The following ZFP69 variants were observed in gnomAD, a reference collection of about 807,000 sequenced individuals.
ZFP69 encodes the protein ZFP69 zinc finger protein, also known as zinc finger protein 69 homolog.
In ZFP69, 35 loss-of-function variants were observed where a neutral mutation model predicts 48.9. The observed-to-expected ratio is 0.72, with a 90% confidence interval of 0.55 to 0.95. The LOEUF (loss-of-function observed/expected upper bound fraction) is 0.95, where lower values mean the gene tolerates loss of function less well. Among genes scored for constraint, ZFP69 ranks in the 40% least tolerant of loss-of-function variants. The pLI is 0.00. For synonymous variants in ZFP69, 193 were observed against 216.8 expected (o/e 0.89, Z 0.96); for missense variants, 557 against 638.4 (o/e 0.87, Z 1.37).
At chr1:40,494,256 A>ATTTTTTTTTTT (rs11286167) in intron 5 of ZFP69, among the ~76,000 whole-genome samples, 4 of 52,032 alleles carry the variant, frequency 7.7e-5, no homozygotes, top group Admixed American at 2.9e-4. Context: ...AAGATTCAAA[A>ATTTTTTTTTTT]TTTTTTTTTT....
chr1:40,491,426 AG>A (rs1645566805), intron 5 of ZFP69, among the ~76,000 whole-genome samples: 1 of 152,222 alleles, frequency 6.6e-6, no homozygotes, highest in African/African-American at 2.4e-5. Flanking sequence ...TCATTTTGCT[AG>A]GTATTACCAA....
At chr1:40,482,019 C>T (rs1439280372) in intron 3 of ZFP69, among the ~76,000 whole-genome samples, 165 bp downstream of exon 3, 1 of 151,412 alleles carries the variant, frequency 6.6e-6, no homozygotes, top group African/African-American at 2.4e-5. Context: ...GAAAATTGGG[C>T]TCCAGTGGTG....
At chr1:40,493,895 A>G (rs894231712) in intron 5 of ZFP69, among the ~76,000 whole-genome samples, 6 of 152,180 alleles carry the variant, frequency 3.9e-5, no homozygotes, top group African/African-American at 1.2e-4. Flanking sequence ...GTTAAAGGGT[A>G]TTTTCCTAGA....
At chr1:40,484,881 T>C (rs1645479423) in intron 3 of ZFP69, among the ~76,000 whole-genome samples, 1 of 113,508 alleles carries the variant, frequency 8.8e-6, no homozygotes, top group South Asian at 3.3e-4. Flanking sequence ...GCGCCTGGCC[T>C]GCTTTTTTTT....
rs769167253 is a variant in ZFP69, at chr1:40,489,508, T to G, written c.347-21T>G. 6 of 1,588,064 alleles carry G rather than the reference T, an allele frequency of 3.8e-6. No individual in the cohort carries two copies. The Admixed American group carries it at 7.1e-5, about 19-fold the overall frequency. On this transcript the variant is annotated intron_variant, in intron 4 of 5. Transcript: ENST00000372706. ...GACATCAGCATAAACATTCACACTG[T>G]TTTTTTTACTACATAAGCAGGATAT...
intron 5 of ZFP69, 46 bp downstream of exon 5, chr1:40,489,670 T>C (rs775612227): frequency 2.3e-5 from 31 of 1,335,962 alleles, no homozygotes; most frequent in Middle Eastern, 1.9e-4. Flanking sequence ...TATAAAGGAA[T>C]ACCTGAAACT....
intron 5 of ZFP69, among the ~76,000 whole-genome samples, chr1:40,491,629 T>A (rs1645569045): frequency 6.6e-6 from 1 of 152,190 alleles, no homozygotes; most frequent in African/African-American, 2.4e-5. Flanking sequence ...TCATGTTCAT[T>A]GACCATCCAT....
chr1:40,495,008 G>C lies in ZFP69; in HGVS notation c.530G>C (p.Ser177Thr), dbSNP rs1193762670. ...TTATATCATGGCATTATGATGGAAA[G>C]TTTCATGAGGGATGATATAATTTAT... ...ERLYHGIMME[S>T]FMRDDIIYST... The change falls in exon 6 of 6, where the codon AGT becomes ACT. Residue 177 changes from serine to threonine, a missense_variant. Ser to Thr is a moderately conservative substitution (Grantham distance 58). Transcript: ENST00000372706. The C allele has an allele frequency of 6.2e-7, 1 of 1,613,932 alleles. No homozygotes were observed. The highest frequency in any genetic ancestry group is 8.5e-7 in the Non-Finnish European group (1 of 1,179,996).
chr1:40,493,575 T>C (rs575832340), intron 5 of ZFP69: 1 of 152,294 alleles, frequency 6.6e-6, no homozygotes, highest in South Asian at 2.1e-4. Context: ...CCCACTAGCT[T>C]GACACTCCCT....
At position 40,495,277 on chromosome 1, in the gene ZFP69, A is replaced by C; in HGVS notation, c.799A>C (p.Arg267=). ...GATTAATCATCCAACAAGTTACATA[A>C]GAACAAAAACCTATGAATGTAATAT... ...DLINHPTSYI[R]TKTYECNICE... The change falls in exon 6 of 6, where the codon AGA becomes CGA. Residue 267 remains arginine, a synonymous_variant. Transcript: ENST00000372706. The C allele has an allele frequency of 6.2e-7, 1 of 1,614,046 alleles. No individual in the cohort carries two copies. The highest frequency in any genetic ancestry group is 8.5e-7 in the Non-Finnish European group (1 of 1,179,996).
Position 40,496,240 on chromosome 1 carries a change from A to G in ZFP69, c.*181A>G. On this transcript the variant is annotated 3_prime_UTR_variant, in exon 6 of 6. Coordinates refer to ENST00000372706, the MANE Select transcript of ZFP69 (RefSeq NM_001320179.2). ...CTAACACCTCTAAAAAGTACTTAAG[A>G]TTAAAATCTGGTCCTTAAAATTAAA... 1 of 498,102 alleles carries G rather than the reference A, an allele frequency of 2.0e-6. No homozygotes were observed. Among genetic ancestry groups the G allele is most frequent in the Non-Finnish European group, 3.4e-6 (1 of 297,846 alleles). 30.9% of individuals were successfully genotyped at this position (498,102 alleles called of 1,614,324 possible).
rs1645633985 is a variant in ZFP69 at position 40,496,182 on chromosome 1, G to T, written c.*123G>T. The T allele has an allele frequency of 1.9e-6, 2 of 1,029,384 alleles. No individual in the cohort carries two copies. The highest frequency in any genetic ancestry group is 3.7e-5 in the South Asian group (2 of 54,768). 63.8% of individuals were successfully genotyped at this position (1,029,384 alleles called of 1,614,324 possible). A position where few individuals can be genotyped will look rare whatever the true frequency, so the allele number is the denominator to read the frequency against. The stretch of plus-strand genomic sequence containing the variant: ...ATGCCAACTTTTAATTTTTCCCATT[G>T]TAAATAAACATTACATTGACAGGTA... On this transcript the variant is annotated 3_prime_UTR_variant, in exon 6 of 6. Coordinates refer to ENST00000372706, the MANE Select transcript of ZFP69 (RefSeq NM_001320179.2).
intron 4 of ZFP69, 112 bp from the exon 5 acceptor site, chr1:40,489,417 C>T (rs1049750842): frequency 8.7e-7 from 1 of 1,150,220 alleles, no homozygotes. Context: ...GATAGAAAGA[C>T]CCACCCCTTT....
intron 3 of ZFP69, among the ~76,000 whole-genome samples, chr1:40,482,397 G>A (rs1003715003): frequency 6.6e-6 from 1 of 152,122 alleles, no homozygotes; most frequent in South Asian, 2.1e-4. Flanking sequence ...GCCACTGAGA[G>A]CAGCTACAAC....
At chr1:40,493,925 A>G (rs1237210001) in intron 5 of ZFP69, among the ~76,000 whole-genome samples, 1 of 152,236 alleles carries the variant, frequency 6.6e-6, no homozygotes, top group Non-Finnish European at 1.5e-5. Context: ...CAGTAACAGC[A>G]TAGCAATCTG....
chr1:40,487,099 A>G (rs905685484), intron 3 of ZFP69, among the ~76,000 whole-genome samples: 3 of 151,452 alleles, frequency 2.0e-5, no homozygotes, highest in Admixed American at 1.3e-4. Flanking sequence ...TAATTTTTGT[A>G]TTTTTAGTAG....
intron 2 of ZFP69, among the ~76,000 whole-genome samples, chr1:40,480,021 C>G (rs1032415170): frequency 2.6e-5 from 4 of 152,170 alleles, no homozygotes; most frequent in African/African-American, 9.7e-5. Flanking sequence ...TGGAGGAAGT[C>G]ATGTGTCTCA....
rs1452296737 is a variant in ZFP69 at position 40,485,729 on chromosome 1, G to C, written c.220-3359G>C. ...TTCTTTATATTATCTTCCTATTTGA[G>C]GATCTTATTGGATAAAGAATTCTAG... On this transcript the variant is annotated intron_variant, in intron 3 of 5. Coordinates refer to ENST00000372706, the MANE Select transcript of ZFP69 (RefSeq NM_001320179.2). Among the ~76,000 whole-genome samples, 7 of 151,988 alleles carry C rather than the reference G, an allele frequency of 4.6e-5. 1 individual carries two copies. Among genetic ancestry groups the C allele is most frequent in the Non-Finnish European group, 1.0e-4 (7 of 67,994 alleles).
At chr1:40,489,049 G>A (rs368641202) in intron 3 of ZFP69, 39 bp from the exon 4 acceptor site, 10 of 1,612,776 alleles carry the variant, frequency 6.2e-6, no homozygotes, top group Non-Finnish European at 8.5e-6. Context: ...CTTAACAGAG[G>A]TGGTCTCCGG....
Sources: gnomAD v4.1 joint callset for allele counts (sites outside exome capture counted in the v4.1 genomes callset) on GRCh38, gnomAD v4.1.1 for gene constraint, MANE v1.5 for transcripts, NCBI Gene and HGNC (gene_info 2026-07-23, HGNC 2026-07-21) for gene names.